ZDHHC7: variants seen among roughly 807,000 people sequenced by gnomAD.
ZDHHC7 encodes palmitoyltransferase ZDHHC7.
ZDHHC7 carries 12 observed loss-of-function variants against 34.1 expected under a neutral mutation model. The observed-to-expected ratio is 0.35, with a 90% CI of 0.23 to 0.57. The LOEUF (loss-of-function observed/expected upper bound fraction) is 0.57. Ranked by LOEUF, ZDHHC7 falls within the 20% of genes least tolerant of loss-of-function variation. The probability of loss-of-function intolerance (pLI) is 0.84; values close to 1 mark genes in which losing one functional copy is unlikely to be tolerated. For missense variants in ZDHHC7, 388 were observed against 402.7 expected, an observed-to-expected ratio of 0.96 and a Z score of 0.31; for synonymous variants, 185 against 155.4, an observed-to-expected ratio of 1.19 and a Z score of -1.42.
At chr16:85,011,562 G>A (rs1280023053), upstream of ZDHHC7, 3 of 152,286 alleles carry the variant, frequency 2.0e-5, no homozygotes, top group Admixed American at 6.5e-5. Flanking sequence ...GTGACGTCAC[G>A]CCGGCGCAGT....
rs190445570 is a variant in ZDHHC7, at chr16:85,007,323, T to C, written c.-104+3963A>G. ...CTGTAATCCCAGCTACTCGGGAGGC[T>C]GAGGCAGGAGAACCGCTTGAACCTG... is the stretch of plus-strand genomic sequence containing the variant. On this transcript the variant is annotated intron_variant, in intron 1 of 7. Transcript: ENST00000313732. 5.7e-3 allele frequency among the ~76,000 whole-genome samples: 862 copies of C among 149,986 alleles called. 19 individuals carry two copies. Among genetic ancestry groups the C allele is most frequent in the African/African-American group, 0.021 (831 of 40,480 alleles).
chr16:85,011,767 G>A (rs2072797508), upstream of ZDHHC7, among the ~76,000 whole-genome samples: 1 of 152,228 alleles, frequency 6.6e-6, no homozygotes, highest in South Asian at 2.1e-4. Context: ...TCCAAGCCAC[G>A]CCGTTAGGCT....
the ZDHHC7 span, among the ~76,000 whole-genome samples, chr16:85,018,773 A>G: frequency 2.0e-5 from 3 of 152,082 alleles, no homozygotes; most frequent in Non-Finnish European, 2.9e-5. Flanking sequence ...TTTCAAGTAG[A>G]TGCTGGCAGG....
intron 4 of ZDHHC7, 122 bp downstream of exon 4, chr16:84,981,748 C>A: frequency 6.4e-7 from 1 of 1,565,936 alleles, no homozygotes; most frequent in Non-Finnish European, 8.7e-7. Flanking sequence ...CCCGCCCGTA[C>A]AACGTTGCCC....
intron 2 of ZDHHC7, among the ~76,000 whole-genome samples, chr16:84,994,284 A>G (rs772749192): frequency 6.6e-6 from 1 of 152,166 alleles, no homozygotes; most frequent in South Asian, 2.1e-4. Context: ...TCAGATTCCA[A>G]TCACCTCCTG....
At chr16:84,987,892 C>T (rs867173377) in intron 3 of ZDHHC7, among the ~76,000 whole-genome samples, 1 of 152,206 alleles carries the variant, frequency 6.6e-6, no homozygotes, top group South Asian at 2.1e-4. Context: ...GGCGGCCAGG[C>T]GCAGTGGCTC....
the ZDHHC7 span, among the ~76,000 whole-genome samples, chr16:85,027,461 C>T: frequency 6.6e-6 from 1 of 152,170 alleles, no homozygotes; most frequent in East Asian, 1.9e-4. Flanking sequence ...ATGGCGCTTC[C>T]CATGCCCCCA....
At chr16:85,009,621 G>A (rs1597568281) in intron 1 of ZDHHC7, among the ~76,000 whole-genome samples, 2 of 151,706 alleles carry the variant, frequency 1.3e-5, no homozygotes, top group Non-Finnish European at 1.5e-5. Flanking sequence ...GAATGTTCAA[G>A]AATTGCAATT....
upstream of ZDHHC7, among the ~76,000 whole-genome samples, chr16:85,014,525 G>A (rs1320067526): frequency 6.6e-6 from 1 of 152,164 alleles, no homozygotes; most frequent in Non-Finnish European, 1.5e-5. Flanking sequence ...AAAGATTAGT[G>A]ATTGGAAGGG....
Position 84,976,462 on chromosome 16 carries a change from C to G in ZDHHC7, c.808G>C (p.Gly270Arg). Residue 270 changes from glycine to arginine, a missense_variant, in exon 8 of 8, where the codon GGG becomes CGG. Physicochemically the swap from Gly to Arg is moderately radical, Grantham distance 125 (BLOSUM62 -2). Coordinates refer to ENST00000313732, the MANE Select transcript of ZDHHC7 (RefSeq NM_017740.3). ...GGCCCCCCAAAGACGGACTTCATCCCTTCCCATCGCAGCCTCCGCTCCCAT... is the reference window on the plus strand; with the variant it reads ...GGCCCCCCAAAGACGGACTTCATCCGTTCCCATCGCAGCCTCCGCTCCCAT... ...PTWERRLRWEGMKSVFGGPPS... is the reference protein window; with the variant it reads ...PTWERRLRWERMKSVFGGPPS... 2 of 1,614,142 alleles carry G rather than the reference C, an allele frequency of 1.2e-6. No individual in the cohort carries two copies. Among genetic ancestry groups the G allele is most frequent in the Non-Finnish European group, 1.7e-6 (2 of 1,180,034 alleles).
chr16:84,992,162 A>AAAAAG (rs1555514503), intron 2 of ZDHHC7, among the ~76,000 whole-genome samples: 1 of 150,194 alleles, frequency 6.7e-6, no homozygotes, highest in Non-Finnish European at 1.5e-5. Context: ...TCTCAAAAAA[A>AAAAAG]AAAAGAAAAG....
intron 1 of ZDHHC7, among the ~76,000 whole-genome samples, chr16:84,997,936 G>A (rs2072603097): frequency 6.7e-6 from 1 of 148,914 alleles, no homozygotes; most frequent in Non-Finnish European, 1.5e-5. Context: ...GTCCCAGAGA[G>A]GAGAACTAGA....
chr16:85,017,828 A>C, the ZDHHC7 span, among the ~76,000 whole-genome samples: 1 of 152,180 alleles, frequency 6.6e-6, no homozygotes, highest in East Asian at 1.9e-4. Context: ...GTACACACTC[A>C]AGGGAATGCG....
intron 3 of ZDHHC7, among the ~76,000 whole-genome samples, chr16:84,987,408 G>T (rs1038066215): frequency 2.0e-5 from 3 of 152,008 alleles, no homozygotes; most frequent in African/African-American, 7.2e-5. Flanking sequence ...CTGCAGGTGG[G>T]AATGTAAAAT....
chr16:85,012,251 T>C (rs1033737311), upstream of ZDHHC7, among the ~76,000 whole-genome samples: 2 of 151,860 alleles, frequency 1.3e-5, no homozygotes, highest in Non-Finnish European at 2.9e-5. Flanking sequence ...GATGTAGTGG[T>C]GCACGCCTGT....
intron 1 of ZDHHC7, among the ~76,000 whole-genome samples, chr16:85,001,470 CAAAA>C (rs71151261): frequency 1.0e-5 from 1 of 95,392 alleles, no homozygotes. Flanking sequence ...GACCCTGTCT[CAAAA>C]AAAAAAAAAA....
chr16:84,999,488 T>A (rs1351008408), intron 1 of ZDHHC7, among the ~76,000 whole-genome samples: 2 of 152,132 alleles, frequency 1.3e-5, no homozygotes, highest in African/African-American at 4.8e-5. Context: ...AGGAAATAGA[T>A]AACAAACATT....
At chr16:84,978,415 A>G (rs537783077) in intron 5 of ZDHHC7, among the ~76,000 whole-genome samples, 1 of 152,332 alleles carries the variant, frequency 6.6e-6, no homozygotes, top group South Asian at 2.1e-4. Flanking sequence ...ACCCAAGATC[A>G]TATTAGACCA....
intron 1 of ZDHHC7, among the ~76,000 whole-genome samples, chr16:84,997,377 T>A (rs893911882): frequency 6.8e-6 from 1 of 147,952 alleles, no homozygotes; most frequent in East Asian, 2.2e-4. Context: ...CACGCCATTC[T>A]CCTGCCTCAG....
Sources: gnomAD v4.1 joint callset for allele counts (sites outside exome capture counted in the v4.1 genomes callset) on GRCh38, gnomAD v4.1.1 for gene constraint, MANE v1.5 for transcripts, NCBI Gene and HGNC (gene_info 2026-07-23, HGNC 2026-07-21) for gene names.